Variants in DUSP29 observed in about 807,000 individuals in gnomAD.
DUSP29 encodes dual specificity phosphatase 29.
In DUSP29, 12 loss-of-function variants were observed where a neutral mutation model predicts 13.5. The ratio of observed to expected loss-of-function variants is 0.89; its 90% CI spans 0.57 to 1.44. The LOEUF is 1.44. Ranked by LOEUF, DUSP29 falls within the 40% of genes most tolerant of loss-of-function variation. The probability of loss-of-function intolerance (pLI) is 0.00; values close to 1 mark genes in which losing one functional copy is unlikely to be tolerated. For synonymous variants in DUSP29, 134 were observed against 128.7 expected, an observed-to-expected ratio of 1.04 and a Z score of -0.28; for missense variants, 308 against 301.1, an observed-to-expected ratio of 1.02 and a Z score of -0.17.
intron 2 of DUSP29, among the ~76,000 whole-genome samples, chr10:75,055,743 T>G (rs1021552661): frequency 1.3e-5 from 2 of 152,232 alleles, no homozygotes; most frequent in African/African-American, 4.8e-5. Context: ...TTATGGTCTA[T>G]GAATTATTTC....
intron 1 of DUSP29, among the ~76,000 whole-genome samples, chr10:75,067,565 G>A (rs10824263): frequency 0.24 from 36,828 of 152,046 alleles, 5,397 homozygotes; most frequent in East Asian, 0.68. Context: ...TCAGAAGTTA[G>A]GCCTGGCCCT....
chr10:75,064,341 C>T (rs1466733648), intron 1 of DUSP29, among the ~76,000 whole-genome samples: 2 of 152,162 alleles, frequency 1.3e-5, no homozygotes, highest in Non-Finnish European at 1.5e-5. Context: ...AACCCCGTCT[C>T]TACCAAAAAT....
chr10:75,067,978 A>G, intron 1 of DUSP29, among the ~76,000 whole-genome samples: 1 of 151,930 alleles, frequency 6.6e-6, no homozygotes, highest in Middle Eastern at 3.2e-3. Flanking sequence ...CCGCCCAGCT[A>G]ATTTTTGTAT....
intron 2 of DUSP29, among the ~76,000 whole-genome samples, chr10:75,052,399 C>T (rs1846854686): frequency 6.6e-6 from 1 of 151,462 alleles, no homozygotes; most frequent in Non-Finnish European, 1.5e-5. Flanking sequence ...CTCCGCCTCC[C>T]GGGTTCACGC....
chr10:75,064,986 C>T (rs1847165509), intron 1 of DUSP29, among the ~76,000 whole-genome samples: 1 of 152,068 alleles, frequency 6.6e-6, no homozygotes, highest in Non-Finnish European at 1.5e-5. Flanking sequence ...CAGGAAGCTG[C>T]TTGTGACTTC....
chr10:75,050,457 C>A (rs1436943067), intron 2 of DUSP29, among the ~76,000 whole-genome samples: 2 of 152,252 alleles, frequency 1.3e-5, no homozygotes, highest in African/African-American at 4.8e-5. Context: ...AGTAATAAAA[C>A]AAGTGTGTGC....
At chr10:75,038,883 C>A (rs1055780369) in intron 3 of DUSP29, among the ~76,000 whole-genome samples, 2 of 152,174 alleles carry the variant, frequency 1.3e-5, no homozygotes, top group East Asian at 3.9e-4. Context: ...CTTTGGGAGG[C>A]TGAGGTGGGC....
At chr10:75,062,539 C>T (rs1016093559) in intron 1 of DUSP29, among the ~76,000 whole-genome samples, 6 of 152,294 alleles carry the variant, frequency 3.9e-5, no homozygotes, top group Admixed American at 2.0e-4. Context: ...GAGCTTGGCA[C>T]GCAGAGTGAG....
intron 1 of DUSP29, among the ~76,000 whole-genome samples, chr10:75,066,639 A>T (rs528292108): frequency 3.9e-5 from 6 of 152,224 alleles, no homozygotes; most frequent in African/African-American, 7.2e-5. Flanking sequence ...ACAAAATTCC[A>T]TGAAAGTTCT....
intron 2 of DUSP29, among the ~76,000 whole-genome samples, chr10:75,054,117 G>T (rs533778335): frequency 6.6e-6 from 1 of 152,322 alleles, no homozygotes; most frequent in East Asian, 1.9e-4. Context: ...GAAGTGACTT[G>T]AATGGACTTT....
chr10:75,044,126 A>G lies in DUSP29; in HGVS notation c.201-109T>C, dbSNP rs951318047. On this transcript the variant is annotated intron_variant, in intron 2 of 3. Transcript: ENST00000338487. ...TGTGGATTCCAGTTCCAGAATGAGG[A>G]CTAGTTATTGCAAATGAAGTCCCAA... 41 of 1,054,870 alleles carry G rather than the reference A, an allele frequency of 3.9e-5. No homozygotes were observed. In the East Asian group the frequency reaches 6.5e-4, roughly 17 times the overall value. 65.3% of individuals were successfully genotyped at this position (1,054,870 alleles called of 1,614,324 possible).
intron 2 of DUSP29, 113 bp downstream of exon 2, chr10:75,058,202 G>A (rs771653888): frequency 2.6e-5 from 34 of 1,288,744 alleles, no homozygotes; most frequent in Non-Finnish European, 3.5e-5. Flanking sequence ...AACTAATTGA[G>A]TTCTCACAGA....
intron 3 of DUSP29, among the ~76,000 whole-genome samples, chr10:75,042,375 A>G (rs572340082): frequency 6.6e-6 from 1 of 152,250 alleles, no homozygotes; most frequent in East Asian, 1.9e-4. Flanking sequence ...AGGTTGTTGC[A>G]GTCTTTGTTT....
intron 3 of DUSP29, among the ~76,000 whole-genome samples, chr10:75,039,062 C>T (rs1348719842): frequency 6.6e-6 from 1 of 152,202 alleles, no homozygotes; most frequent in Non-Finnish European, 1.5e-5. Flanking sequence ...ATCACAGGGG[C>T]CAGCACTATA....
At chr10:75,058,649 G>T in intron 1 of DUSP29, 101 bp from the exon 2 acceptor site, 1 of 1,069,480 alleles carries the variant, frequency 9.4e-7, no homozygotes, top group South Asian at 1.6e-5. Flanking sequence ...TTAAAATTTG[G>T]AAAGAGTTTC....
intron 1 of DUSP29, among the ~76,000 whole-genome samples, chr10:75,072,145 C>T (rs1847343595): frequency 1.3e-5 from 2 of 152,200 alleles, no homozygotes; most frequent in South Asian, 4.1e-4. Context: ...TTCCCCTACA[C>T]CAAGGCAAGA....
chr10:75,060,834 C>T (rs1487249731), intron 1 of DUSP29, among the ~76,000 whole-genome samples: 1 of 152,236 alleles, frequency 6.6e-6, no homozygotes, highest in Non-Finnish European at 1.5e-5. Flanking sequence ...TATCAGCCGA[C>T]TTGCTGGAGA....
At position 75,041,399 on chromosome 10, in the gene DUSP29, C is replaced by T. The variant is rs375086723; in HGVS notation, c.421+2398G>A. 5.0e-4 allele frequency among the ~76,000 whole-genome samples: 76 copies of T among 152,290 alleles called. 2 individuals are homozygous for T. The South Asian group carries it at 0.015, about 29-fold the overall frequency. ...GTGATTTTATAATCCAGATTGGAGA[C>T]TTCTGAAAAGTCAGATCTCCCACAT... On this transcript the variant is annotated intron_variant, in intron 3 of 3. Transcript: ENST00000338487.
chr10:75,043,876 G>A lies in DUSP29; in HGVS notation c.342C>T (p.Asp114=), dbSNP rs760771710. The part of the protein sequence containing the change: ...MDIQYHGVEA[D]DLPTFDLSVF... Reference sequence around the variant, plus strand: ...CACTGAGGTCGAAGGTGGGCAGGTCGTCGGCCTCCACGCCGTGGTACTGGA... The same window carrying A: ...CACTGAGGTCGAAGGTGGGCAGGTCATCGGCCTCCACGCCGTGGTACTGGA... Residue 114 remains aspartate, a synonymous_variant, in exon 3 of 4, where the codon GAC becomes GAT. Coordinates refer to ENST00000338487, the MANE Select transcript of DUSP29 (RefSeq NM_001003892.3). The A allele has an allele frequency of 6.2e-7, 1 of 1,614,050 alleles. No individual in the cohort carries two copies. The highest frequency in any genetic ancestry group is 1.7e-5 in the Admixed American group (1 of 60,032).
Sources: gnomAD v4.1 joint callset for allele counts (sites outside exome capture counted in the v4.1 genomes callset) on GRCh38, gnomAD v4.1.1 for gene constraint, MANE v1.5 for transcripts, NCBI Gene and HGNC (gene_info 2026-07-23, HGNC 2026-07-21) for gene names.